FMN1: variants seen among roughly 807,000 people sequenced by gnomAD.
The protein encoded by FMN1 is formin-1.
FMN1 carries 110 observed loss-of-function variants against 132.4 expected under a neutral mutation model. The observed-to-expected ratio is 0.83, with a 90% confidence interval of 0.71 to 0.97. FMN1 has a LOEUF of 0.97. Ranked by LOEUF, FMN1 falls within the 50% of genes least tolerant of loss-of-function variation. The probability of loss-of-function intolerance (pLI) is 0.00; values close to 1 mark genes in which losing one functional copy is unlikely to be tolerated. For missense variants in FMN1, 1,792 were observed against 1,705.3 expected (o/e 1.05, Z -0.90); for synonymous variants, 722 against 651.7 (o/e 1.11, Z -1.64).
At chr15:32,903,982 A>G (rs2060359582) in intron 12 of FMN1, among the ~76,000 whole-genome samples, 1 of 152,224 alleles carries the variant, frequency 6.6e-6, no homozygotes, top group African/African-American at 2.4e-5. Context: ...AAAGACTTGA[A>G]AATTCATACT....
chr15:32,858,845 A>G (rs1441043843), intron 16 of FMN1, among the ~76,000 whole-genome samples: 11 of 152,142 alleles, frequency 7.2e-5, no homozygotes. Context: ...CTTCTCTGCT[A>G]TTATGAGATT....
At chr15:33,077,518 C>CCCGA (rs1566894965) in intron 5 of FMN1, among the ~76,000 whole-genome samples, 5 of 151,796 alleles carry the variant, frequency 3.3e-5, no homozygotes. Context: ...TCCCCCTTCC[C>CCCGA]CTGACTCCAC....
At chr15:32,793,072 G>C (rs749007414) in intron 19 of FMN1, among the ~76,000 whole-genome samples, 1 of 152,160 alleles carries the variant, frequency 6.6e-6, no homozygotes, top group Non-Finnish European at 1.5e-5. Context: ...TCTTTTAAAA[G>C]AAGTTAGAAG....
intron 17 of FMN1, among the ~76,000 whole-genome samples, chr15:32,850,102 A>G (rs567935831): frequency 6.6e-6 from 1 of 152,336 alleles, no homozygotes; most frequent in African/African-American, 2.4e-5. Flanking sequence ...GGAGTACACA[A>G]GAACCCATTT....
chr15:32,963,171 T>G (rs976563023), intron 9 of FMN1, among the ~76,000 whole-genome samples: 3 of 150,864 alleles, frequency 2.0e-5, no homozygotes, highest in African/African-American at 4.9e-5. Flanking sequence ...CCATAAAAAA[T>G]GATGAGTTCA....
intron 16 of FMN1, among the ~76,000 whole-genome samples, chr15:32,883,201 A>G (rs1402072558): frequency 2.6e-5 from 4 of 152,178 alleles, no homozygotes; most frequent in Non-Finnish European, 5.9e-5. Context: ...AATGAAAACA[A>G]AACTGATCAA....
intron 7 of FMN1, among the ~76,000 whole-genome samples, chr15:32,985,093 G>A (rs767504331): frequency 6.6e-6 from 1 of 151,656 alleles, no homozygotes; most frequent in African/African-American, 2.4e-5. Flanking sequence ...AGGATTAGCA[G>A]TTACTTATTA....
At chr15:32,899,916 A>C (rs2141590208) in intron 14 of FMN1, 63 bp downstream of exon 14, 1 of 1,525,156 alleles carries the variant, frequency 6.6e-7, no homozygotes, top group East Asian at 2.3e-5. Flanking sequence ...ACGTTTTTTA[A>C]AATTAAAGGT....
At position 32,771,626 on chromosome 15, in the gene FMN1, C is replaced by T. The variant is rs766980119; in HGVS notation, c.*2684G>A. The T allele has an allele frequency of 1.3e-5, 2 of 152,154 alleles. No individual in the cohort carries two copies. Among genetic ancestry groups the T allele is most frequent in the Non-Finnish European group, 2.9e-5 (2 of 68,040 alleles). 9.4% of individuals were successfully genotyped at this position (152,154 alleles called of 1,614,324 possible). On this transcript the variant is annotated 3_prime_UTR_variant, in exon 21 of 21. Transcript: ENST00000616417. ...GTCTGGTTAGATGCAGCATAGCAAA[C>T]TGGTTACTCTCCTTTCTAGTTCAGG...
intron 4 of FMN1, among the ~76,000 whole-genome samples, chr15:33,126,290 C>T (rs1566938945): frequency 6.6e-6 from 1 of 152,108 alleles, no homozygotes; most frequent in African/African-American, 2.4e-5. Context: ...GAGGCAGGTA[C>T]GGCACCAGGC....
Position 33,046,192 on chromosome 15 carries a change from A to G in FMN1, c.2161+18765T>C, listed in dbSNP as rs149954604. 7.7e-3 allele frequency among the ~76,000 whole-genome samples: 1,178 copies of G among 152,310 alleles called. 6 individuals carry two copies. Among genetic ancestry groups the G allele is most frequent in the Non-Finnish European group, 0.012 (812 of 68,030 alleles). ...AATGTCCTCATGTCAAAAAAAGAAAATTGGGATCCTTAATATCTGGAAAAC... is the reference window on the plus strand; with the variant it reads ...AATGTCCTCATGTCAAAAAAAGAAAGTTGGGATCCTTAATATCTGGAAAAC... On this transcript the variant is annotated intron_variant, in intron 6 of 20. Coordinates refer to ENST00000616417, the MANE Select transcript of FMN1 (RefSeq NM_001277313.2).
At chr15:33,041,952 A>G (rs955718422) in intron 6 of FMN1, among the ~76,000 whole-genome samples, 2 of 152,162 alleles carry the variant, frequency 1.3e-5, no homozygotes, top group African/African-American at 4.8e-5. Context: ...ATTTTAAATC[A>G]TTAAGATAGT....
At chr15:32,853,590 G>A (rs540656438) in intron 17 of FMN1, among the ~76,000 whole-genome samples, 7 of 152,242 alleles carry the variant, frequency 4.6e-5, no homozygotes, top group African/African-American at 1.4e-4. Context: ...CGCAATAAAT[G>A]AAGTACTATT....
At chr15:32,890,774 T>C (rs1217930969) in intron 15 of FMN1, among the ~76,000 whole-genome samples, 8 of 152,240 alleles carry the variant, frequency 5.3e-5, no homozygotes, top group Non-Finnish European at 1.5e-5. Context: ...TTTGTTTTTA[T>C]TGCATTTGCT....
chr15:32,976,860 A>T (rs1596381723), intron 7 of FMN1, among the ~76,000 whole-genome samples: 1 of 152,216 alleles, frequency 6.6e-6, no homozygotes, highest in African/African-American at 2.4e-5. Flanking sequence ...CTCGAGAAAC[A>T]CAAGAAGAGA....
intron 19 of FMN1, among the ~76,000 whole-genome samples, chr15:32,794,206 A>C (rs2057196509): frequency 6.6e-6 from 1 of 152,228 alleles, no homozygotes; most frequent in Non-Finnish European, 1.5e-5. Flanking sequence ...AAAAGAAAAA[A>C]ACAAGATAAC....
At chr15:32,947,623 T>C (rs996795478) in intron 9 of FMN1, among the ~76,000 whole-genome samples, 7 of 152,076 alleles carry the variant, frequency 4.6e-5, no homozygotes, top group African/African-American at 1.7e-4. Flanking sequence ...CTTTATAATA[T>C]TGGCTTTCCC....
In FMN1 at chr15:33,116,198, GACTA is replaced by G. The variant is rs2039918235; in HGVS notation, c.1868-27228_1868-27225del. 3.9e-5 allele frequency among the ~76,000 whole-genome samples: 6 copies of G among 152,274 alleles called. No homozygotes were observed. The South Asian group carries it at 1.2e-3, about 32-fold the overall frequency. On this transcript the variant is annotated intron_variant, in intron 4 of 20. Transcript: ENST00000616417. ...TATACAGAAAAAAGATGTAAACGTA[GACTA>G]ACTTTTTCACTGGGATTGACCTAGT...
intron 6 of FMN1, among the ~76,000 whole-genome samples, chr15:33,057,586 G>C (rs146426894): frequency 6.6e-6 from 1 of 152,214 alleles, no homozygotes; most frequent in Non-Finnish European, 1.5e-5. Flanking sequence ...GCCAAGCTTC[G>C]AACTCAAGTT....
Sources: gnomAD v4.1 joint callset for allele counts (sites outside exome capture counted in the v4.1 genomes callset) on GRCh38, gnomAD v4.1.1 for gene constraint, MANE v1.5 for transcripts, NCBI Gene and HGNC (gene_info 2026-07-23, HGNC 2026-07-21) for gene names.